CASD1: variants seen among roughly 807,000 people sequenced by gnomAD.
CASD1 encodes the protein CAS1 domain sialic acid O acetyltransferase 1, also known as N-acetylneuraminate (7)9-O-acetyltransferase.
Under a neutral mutation model 100.0 loss-of-function variants are expected in CASD1, and 41 were observed. The observed-to-expected ratio is 0.41, with a 90% CI of 0.32 to 0.53. The LOEUF (loss-of-function observed/expected upper bound fraction) is 0.53. CASD1 is among the 20% of genes least tolerant of loss of function. The pLI is 0.25. For synonymous variants in CASD1, 321 were observed against 315.6 expected (o/e 1.02, Z -0.18); for missense variants, 774 against 948.7 (o/e 0.82, Z 2.42).
At chr7:94,570,873 T>A in the CASD1 span, among the ~76,000 whole-genome samples, 1 of 152,168 alleles carries the variant, frequency 6.6e-6, no homozygotes. Flanking sequence ...CTTTTTTATT[T>A]GCTGATGTAT....
chr7:94,570,073 A>C, the CASD1 span, among the ~76,000 whole-genome samples: 68 of 152,192 alleles, frequency 4.5e-4, no homozygotes, highest in Non-Finnish European at 8.8e-4. Context: ...TCAGCCTCCC[A>C]AAGTGCTGGG....
chr7:94,534,056 A>G (rs1404188709), intron 7 of CASD1, among the ~76,000 whole-genome samples: 1 of 152,120 alleles, frequency 6.6e-6, no homozygotes, highest in Non-Finnish European at 1.5e-5. Context: ...CAAAAAGATA[A>G]GTCCTAAACG....
the CASD1 span, chr7:94,619,838 C>T: frequency 6.6e-6 from 1 of 152,114 alleles, no homozygotes; most frequent in African/African-American, 2.4e-5. Flanking sequence ...GGTCCAGAAG[C>T]TTATCTCATA....
At chr7:94,610,800 TAATC>T in the CASD1 span, among the ~76,000 whole-genome samples, 3 of 152,138 alleles carry the variant, frequency 2.0e-5, no homozygotes, top group African/African-American at 7.2e-5. Context: ...TCTTACAACT[TAATC>T]AAAAAATGAA....
the CASD1 span, among the ~76,000 whole-genome samples, chr7:94,595,581 T>C: frequency 6.6e-6 from 1 of 152,048 alleles, no homozygotes; most frequent in Non-Finnish European, 1.5e-5. Flanking sequence ...AGTACTGTAA[T>C]GCCTCCCAAA....
intron 13 of CASD1, 92 bp from the exon 14 acceptor site, chr7:94,549,441 C>A (rs1328400361): frequency 4.9e-6 from 4 of 823,990 alleles, no homozygotes; most frequent in African/African-American, 3.5e-5. Flanking sequence ...CTTATATAAT[C>A]CAAACTTCAG....
chr7:94,587,871 A>T, the CASD1 span: 2 of 1,519,104 alleles, frequency 1.3e-6, no homozygotes, highest in Non-Finnish European at 1.8e-6. Flanking sequence ...CATCCAACAC[A>T]TTTCTGAATG....
intron 5 of CASD1, among the ~76,000 whole-genome samples, chr7:94,532,921 C>T (rs549498266): frequency 1.3e-5 from 2 of 152,124 alleles, no homozygotes; most frequent in East Asian, 1.9e-4. Flanking sequence ...AATATTAGGT[C>T]GTGTTAGATT....
rs751165386 is a variant in CASD1, at chr7:94,554,372, G to A, written c.2035-111G>A. On this transcript the variant is annotated intron_variant, in intron 16 of 17. Coordinates refer to ENST00000297273, the MANE Select transcript of CASD1 (RefSeq NM_022900.5). ...AGAATATAAAAAGACTGTTGTATAT[G>A]TGTCAAGTTCACAAACATAAAGAAT... 14 of 661,264 alleles carry A rather than the reference G, an allele frequency of 2.1e-5. 1 individual carries two copies. Among genetic ancestry groups the A allele is most frequent in the Non-Finnish European group, 2.5e-5 (10 of 393,750 alleles). The allele number at this position is 661,264 out of a possible 1,614,324, so 41.0% of individuals were successfully genotyped here. A position where few individuals can be genotyped will look rare whatever the true frequency, so the allele number is the denominator to read the frequency against.
chr7:94,547,783 A>G (rs1478785225), intron 13 of CASD1, among the ~76,000 whole-genome samples: 1 of 151,790 alleles, frequency 6.6e-6, no homozygotes, highest in African/African-American at 2.4e-5. Context: ...GGGCAGCATG[A>G]TATTTATAAC....
chr7:94,545,025 TCTG>T (rs1795607688), intron 11 of CASD1, among the ~76,000 whole-genome samples: 2 of 152,096 alleles, frequency 1.3e-5, no homozygotes, highest in Admixed American at 1.3e-4. Flanking sequence ...CTAGTAAAAA[TCTG>T]CTGAAATTCT....
Position 94,518,266 on chromosome 7 carries a change from A to G in CASD1, c.294A>G (p.Gln98=), listed in dbSNP as rs191491559. Residue 98 remains glutamine (Q), a synonymous_variant, in exon 3 of 18, where the codon CAA becomes CAG. Transcript: ENST00000297273. ...TTATTGGAGATTCCAGAATTCGTCA[A>G]TTGTTTTATTCTTTTGTAAAAATAA... ...IAFIGDSRIR[Q]LFYSFVKIIN... is the part of the protein sequence containing the mutation. 14 of 1,580,604 alleles carry G rather than the reference A, an allele frequency of 8.9e-6. No homozygotes were observed. The African/African-American group carries it at 1.1e-4, about 12-fold the overall frequency.
chr7:94,603,373 A>G, the CASD1 span: 1 of 1,612,694 alleles, frequency 6.2e-7, no homozygotes, highest in Non-Finnish European at 8.5e-7. Flanking sequence ...TCTTGACTAC[A>G]TCTCAATTGA....
At chr7:94,599,896 C>T in the CASD1 span, 4 of 575,106 alleles carry the variant, frequency 7.0e-6, no homozygotes, top group Admixed American at 8.5e-5. Flanking sequence ...AGTACACATA[C>T]AGCGATGGAA....
At chr7:94,608,622 T>C in the CASD1 span, among the ~76,000 whole-genome samples, 1 of 152,082 alleles carries the variant, frequency 6.6e-6, no homozygotes, top group East Asian at 1.9e-4. Flanking sequence ...CAAAACAATA[T>C]TGAAGGAGAA....
At chr7:94,614,730 A>G in the CASD1 span, among the ~76,000 whole-genome samples, 252 of 152,276 alleles carry the variant, frequency 1.7e-3, 1 homozygote, top group African/African-American at 5.9e-3. Flanking sequence ...GTGGTACTTA[A>G]AACACTGATT....
At chr7:94,547,273 C>G in intron 13 of CASD1, 98 bp downstream of exon 13, 2 of 755,186 alleles carry the variant, frequency 2.6e-6, no homozygotes, top group Non-Finnish European at 4.1e-6. Context: ...TTTTTAGCTT[C>G]ATTTTTTAAT....
chr7:94,534,460 G>C (rs578099470), intron 7 of CASD1, among the ~76,000 whole-genome samples: 1 of 152,020 alleles, frequency 6.6e-6, no homozygotes, highest in East Asian at 1.9e-4. Flanking sequence ...TACTTTTTTA[G>C]CAAGCAATGG....
intron 17 of CASD1, among the ~76,000 whole-genome samples, chr7:94,554,834 A>G (rs1482641579): frequency 1.3e-5 from 2 of 152,136 alleles, no homozygotes; most frequent in Non-Finnish European, 2.9e-5. Context: ...CGTTGTCTTG[A>G]GCTTTCAAGC....
Sources: allele counts gnomAD v4.1 joint callset (sites outside exome capture counted in the v4.1 genomes callset), GRCh38; gene constraint gnomAD v4.1.1; transcripts MANE v1.5; gene names NCBI Gene and HGNC (gene_info 2026-07-23, HGNC 2026-07-21).